Variants in CDH13 observed in about 807,000 individuals in gnomAD.
CDH13 encodes cadherin 13, also known as cadherin-13.
Under a neutral mutation model 63.8 loss-of-function variants are expected in CDH13, and 24 were observed. That is an observed-to-expected ratio of 0.38 (90% confidence interval 0.27 to 0.53). The LOEUF (loss-of-function observed/expected upper bound fraction) is 0.53, where lower values mean the gene tolerates loss of function less well. Among genes scored for constraint, CDH13 ranks in the 20% least tolerant of loss-of-function variants. The pLI is 0.85. For missense variants in CDH13, 1,049 were observed against 903.1 expected (o/e 1.16, Z -2.07); for synonymous variants, 503 against 355.3 (o/e 1.42, Z -4.67).
chr16:83,143,070 C>G (rs1239014384), intron 4 of CDH13, among the ~76,000 whole-genome samples: 1 of 152,184 alleles, frequency 6.6e-6, no homozygotes, highest in Non-Finnish European at 1.5e-5. Flanking sequence ...TGCCGTTGCG[C>G]TCCAGCCTGG....
intron 2 of CDH13, among the ~76,000 whole-genome samples, chr16:82,955,924 A>T (rs1358110785): frequency 6.6e-6 from 1 of 152,194 alleles, no homozygotes; most frequent in African/African-American, 2.4e-5. Context: ...ATCAAATACT[A>T]CTATGAAATA....
intron 10 of CDH13, among the ~76,000 whole-genome samples, chr16:83,723,878 G>GGAT (rs1910013063): frequency 6.6e-6 from 1 of 152,150 alleles, no homozygotes; most frequent in Non-Finnish European, 1.5e-5. Flanking sequence ...AAGAATGGAT[G>GGAT]GATGGATGGA....
chr16:83,317,095 T>C (rs2090122660), intron 5 of CDH13, among the ~76,000 whole-genome samples: 1 of 152,218 alleles, frequency 6.6e-6, no homozygotes, highest in Non-Finnish European at 1.5e-5. Flanking sequence ...ATCCCATGGA[T>C]GAAAATCAGG....
chr16:82,918,128 C>CAG (rs1485551712), intron 2 of CDH13, among the ~76,000 whole-genome samples: 1 of 152,122 alleles, frequency 6.6e-6, no homozygotes, highest in African/African-American at 2.4e-5. Flanking sequence ...AGAGCAAATG[C>CAG]AGAACCACAC....
chr16:83,669,776 C>T (rs756595415), intron 8 of CDH13, among the ~76,000 whole-genome samples: 4 of 152,160 alleles, frequency 2.6e-5, no homozygotes, highest in Non-Finnish European at 5.9e-5. Context: ...TTGATATCAC[C>T]TTACTGTCTC....
intron 13 of CDH13, among the ~76,000 whole-genome samples, chr16:83,783,696 C>G (rs1915688698): frequency 6.6e-6 from 1 of 152,170 alleles, no homozygotes; most frequent in Non-Finnish European, 1.5e-5. Context: ...AGGGATTGTG[C>G]AAAGGTGTTC....
chr16:83,486,401 C>T (rs1439347372), intron 6 of CDH13, 76 bp from the exon 7 acceptor site: 6 of 1,297,184 alleles, frequency 4.6e-6, no homozygotes, highest in African/African-American at 2.9e-5. Flanking sequence ...ACTGCTATTG[C>T]CCAGGTGGGG....
chr16:83,355,161 C>T (rs904705083), intron 6 of CDH13, among the ~76,000 whole-genome samples: 7 of 152,108 alleles, frequency 4.6e-5, no homozygotes, highest in Non-Finnish European at 1.0e-4. Context: ...GGAAACAAGG[C>T]ATTTCAATGT....
intron 11 of CDH13, among the ~76,000 whole-genome samples, chr16:83,769,780 G>T (rs561185211): frequency 6.6e-6 from 1 of 152,268 alleles, no homozygotes; most frequent in South Asian, 2.1e-4. Flanking sequence ...GAGATCACTG[G>T]GGCACGTAGA....
intron 6 of CDH13, among the ~76,000 whole-genome samples, chr16:83,348,447 C>A (rs1396864207): frequency 6.6e-6 from 1 of 152,200 alleles, no homozygotes; most frequent in Admixed American, 6.5e-5. Flanking sequence ...TCTGAGCCTA[C>A]ATAACCAAAG....
intron 6 of CDH13, among the ~76,000 whole-genome samples, chr16:83,364,369 A>C (rs2091219600): frequency 6.6e-6 from 1 of 152,238 alleles, no homozygotes; most frequent in Non-Finnish European, 1.5e-5. Flanking sequence ...TGCAAGATAC[A>C]GAGCCATGAT....
intron 7 of CDH13, among the ~76,000 whole-genome samples, chr16:83,572,175 G>GTTGTGTGTGTGTGTGT (rs145519267): frequency 1.4e-5 from 2 of 145,586 alleles, no homozygotes; most frequent in African/African-American, 2.6e-5. Flanking sequence ...ACTTTCCTGT[G>GTTGTGTGTGTGTGTGT]GTGTGTGTGT....
Position 82,917,293 on chromosome 16 carries a change from G to A in CDH13, c.157+58820G>A, listed in dbSNP as rs77848015. ...CATTGGGTGGGTCCAATGGAAGAAC[G>A]CTCAGGGTTACGTCAGGAAGGTGCC... is the stretch of plus-strand genomic sequence containing the variant. On this transcript the variant is annotated intron_variant, in intron 2 of 13. Transcript: ENST00000567109. Among the ~76,000 whole-genome samples, 77 of 152,318 alleles carry A rather than the reference G, an allele frequency of 5.1e-4. No homozygotes were observed. The East Asian group carries it at 0.014, about 27-fold the overall frequency.
chr16:82,674,057 T>G (rs960515947), intron 1 of CDH13, among the ~76,000 whole-genome samples: 4 of 152,180 alleles, frequency 2.6e-5, no homozygotes, highest in African/African-American at 9.7e-5. Flanking sequence ...TTGGTCCTGT[T>G]GTTTGTGTTT....
intron 7 of CDH13, among the ~76,000 whole-genome samples, chr16:83,544,241 G>C (rs762080623): frequency 7.9e-5 from 12 of 152,148 alleles, no homozygotes; most frequent in Non-Finnish European, 1.6e-4. Flanking sequence ...ATATAGGGTG[G>C]AGTGTTAAAG....
chr16:83,215,161 A>T (rs1282160848), intron 4 of CDH13, among the ~76,000 whole-genome samples: 2 of 127,304 alleles, frequency 1.6e-5, no homozygotes, highest in African/African-American at 3.0e-5. Context: ...ACTGCAACCT[A>T]TGCCTCCCAG....
chr16:82,898,640 G>A (rs1012711929), intron 2 of CDH13, among the ~76,000 whole-genome samples: 1 of 152,202 alleles, frequency 6.6e-6, no homozygotes. Context: ...AGAGCCCGGA[G>A]CAAATGTCTG....
At chr16:83,331,334 A>C (rs1005202624) in intron 5 of CDH13, among the ~76,000 whole-genome samples, 2 of 152,216 alleles carry the variant, frequency 1.3e-5, no homozygotes, top group East Asian at 1.9e-4. Flanking sequence ...TTATAATCCC[A>C]AAACTGTAGA....
chr16:83,604,073 A>G (rs569521569), intron 8 of CDH13, among the ~76,000 whole-genome samples: 4 of 152,234 alleles, frequency 2.6e-5, no homozygotes, highest in Non-Finnish European at 5.9e-5. Flanking sequence ...CCCCAACTAC[A>G]ACACTGGGAA....
Sources: allele counts gnomAD v4.1 joint callset (sites outside exome capture counted in the v4.1 genomes callset), GRCh38; gene constraint gnomAD v4.1.1; transcripts MANE v1.5; gene names NCBI Gene and HGNC (gene_info 2026-07-23, HGNC 2026-07-21).